Variants in HTR7 observed in about 807,000 individuals in gnomAD.
The protein encoded by HTR7 is 5-hydroxytryptamine receptor 7.
A neutral mutation model predicts 34.0 loss-of-function variants in HTR7; 16 were observed. The observed-to-expected ratio is 0.47, with a 90% CI of 0.32 to 0.71. The LOEUF (loss-of-function observed/expected upper bound fraction) is 0.71, where lower values mean the gene tolerates loss of function less well. HTR7 is among the 30% of genes least tolerant of loss of function. The pLI is 0.04. For synonymous variants in HTR7, 265 were observed against 260.2 expected (o/e 1.02, Z -0.18); for missense variants, 504 against 625.5 (o/e 0.81, Z 2.07).
At chr10:90,758,074 G>A (rs1301869891) in intron 1 of HTR7, among the ~76,000 whole-genome samples, 2 of 151,978 alleles carry the variant, frequency 1.3e-5, no homozygotes, top group Non-Finnish European at 2.9e-5. Context: ...CTGGCCAGGT[G>A]CAGTGGCTCA....
intron 1 of HTR7, among the ~76,000 whole-genome samples, chr10:90,809,541 C>G (rs2119959336): frequency 6.6e-6 from 1 of 152,306 alleles, no homozygotes; most frequent in Middle Eastern, 3.4e-3. Context: ...ATTAATTAAC[C>G]TCGCCTTCAA....
At chr10:90,777,586 C>G (rs1445128659) in intron 1 of HTR7, among the ~76,000 whole-genome samples, 1 of 152,048 alleles carries the variant, frequency 6.6e-6, no homozygotes, top group Non-Finnish European at 1.5e-5. Context: ...TAATGCCAAC[C>G]AAGTCTGTCC....
rs138746773 is a variant in HTR7, at chr10:90,747,774, C to T, written c.1295+1065G>A. Among the ~76,000 whole-genome samples the T allele has an allele frequency of 2.1e-3, 317 of 152,296 alleles. 3 individuals are homozygous for T. The highest frequency in any genetic ancestry group is 7.1e-3 in the African/African-American group (297 of 41,564). ...CCTCCCTGCCAGGCTCAGTGAAGAA[C>T]GACACCTCCAACACTAATCTGCTCA... On this transcript the variant is annotated intron_variant, in intron 2 of 3. Transcript: ENST00000336152.
chr10:90,807,799 GTTCTTTGCTCCGTGA>G (rs57433270), intron 1 of HTR7, among the ~76,000 whole-genome samples: 21,584 of 152,174 alleles, frequency 0.14, 1,869 homozygotes, highest in East Asian at 0.2. Context: ...CTGTCCTCCT[GTTCTTTGCTCCGTGA>G]AAAAGATCCA....
chr10:90,744,207 G>A (rs945307115), intron 2 of HTR7, among the ~76,000 whole-genome samples: 6 of 150,624 alleles, frequency 4.0e-5, no homozygotes, highest in African/African-American at 1.2e-4. Context: ...GGCAGGGGGA[G>A]CAAAGGGTTC....
intron 1 of HTR7, among the ~76,000 whole-genome samples, chr10:90,836,739 A>C (rs953345809): frequency 2.0e-5 from 3 of 150,730 alleles, no homozygotes; most frequent in African/African-American, 7.3e-5. Flanking sequence ...TGAACTCCTG[A>C]GCTGGACTAA....
At chr10:90,768,246 CA>C (rs11315830) in intron 1 of HTR7, among the ~76,000 whole-genome samples, 35,135 of 152,056 alleles carry the variant, frequency 0.23, 4,299 homozygotes, top group African/African-American at 0.31. Context: ...TCTCTGTCCG[CA>C]AGTATTGCAA....
chr10:90,745,350 G>A (rs1844616908), intron 2 of HTR7, among the ~76,000 whole-genome samples: 1 of 152,102 alleles, frequency 6.6e-6, no homozygotes, highest in African/African-American at 2.4e-5. Context: ...GCTCCCTCAG[G>A]CCTCTTTTAT....
chr10:90,807,489 TTCCTGGCTCA>T (rs1845722569), intron 1 of HTR7, among the ~76,000 whole-genome samples: 1 of 152,198 alleles, frequency 6.6e-6, no homozygotes, highest in African/African-American at 2.4e-5. Flanking sequence ...GAAATTCCTT[TTCCTGGCTCA>T]TCCTGGCTCA....
intron 1 of HTR7, among the ~76,000 whole-genome samples, chr10:90,785,226 A>C (rs1425322243): frequency 6.6e-6 from 1 of 152,232 alleles, no homozygotes; most frequent in Admixed American, 6.5e-5. Flanking sequence ...ATAAGCATTA[A>C]ATAAATATTG....
In HTR7 at chr10:90,749,628, C is replaced by T. The variant is rs751300860; in HGVS notation, c.540-34G>A. On this transcript the variant is annotated intron_variant, in intron 1 of 3. Transcript: ENST00000336152. This position sits in a 1 kb window ranked among gnomAD's most constrained non-coding sequence, Gnocchi z 4.2. ...GAGATGGAAAGATAACAGATGAACA[C>T]CGTGATCATAACTGGTCAACCAAGC... 1 of 1,570,720 alleles carries T rather than the reference C, an allele frequency of 6.4e-7. No individual in the cohort carries two copies. The highest frequency in any genetic ancestry group is 2.2e-5 in the East Asian group (1 of 44,450).
intron 1 of HTR7, among the ~76,000 whole-genome samples, chr10:90,829,753 C>A (rs1846135774): frequency 6.6e-6 from 1 of 152,188 alleles, no homozygotes; most frequent in South Asian, 2.1e-4. Flanking sequence ...AAAAAACTAT[C>A]TGAACTGATA....
At chr10:90,786,217 C>T (rs1337367865) in intron 1 of HTR7, among the ~76,000 whole-genome samples, 1 of 152,228 alleles carries the variant, frequency 6.6e-6, no homozygotes, top group Non-Finnish European at 1.5e-5. Context: ...CAGAGGATAA[C>T]CATCGGGGTG....
chr10:90,758,560 G>C (rs1353200414), intron 1 of HTR7, among the ~76,000 whole-genome samples: 1 of 152,026 alleles, frequency 6.6e-6, no homozygotes, highest in Non-Finnish European at 1.5e-5. Flanking sequence ...TAACAAGTAG[G>C]GGGGAAATTG....
chr10:90,788,102 G>C (rs1005678493), intron 1 of HTR7, among the ~76,000 whole-genome samples: 4 of 152,118 alleles, frequency 2.6e-5, no homozygotes, highest in African/African-American at 9.7e-5. Flanking sequence ...ATCTAGTGGA[G>C]AAAGGCCTGG....
intron 1 of HTR7, among the ~76,000 whole-genome samples, chr10:90,794,710 C>T (rs1845512563): frequency 1.3e-5 from 2 of 152,016 alleles, no homozygotes; most frequent in African/African-American, 4.8e-5. Flanking sequence ...CCTGTGTTGC[C>T]TAAGCTGATC....
chr10:90,757,819 A>C (rs1238116114), intron 1 of HTR7, among the ~76,000 whole-genome samples: 1 of 152,244 alleles, frequency 6.6e-6, no homozygotes, highest in Admixed American at 6.5e-5. Context: ...TAAGACTTGA[A>C]GAACCAAGTC....
chr10:90,774,265 AG>A (rs1460144525), intron 1 of HTR7, among the ~76,000 whole-genome samples: 2 of 152,214 alleles, frequency 1.3e-5, no homozygotes, highest in East Asian at 3.8e-4. Context: ...TTACATGAAA[AG>A]GGGAGCAGCT....
intron 1 of HTR7, among the ~76,000 whole-genome samples, chr10:90,763,155 T>C (rs1294658705): frequency 6.6e-6 from 1 of 152,208 alleles, no homozygotes; most frequent in Non-Finnish European, 1.5e-5. Flanking sequence ...AGGATTGTTT[T>C]CTGTTTCTGT....
Sources: allele counts gnomAD v4.1 joint callset (sites outside exome capture counted in the v4.1 genomes callset), GRCh38; gene constraint gnomAD v4.1.1; non-coding constraint Gnocchi (gnomAD v3.1); transcripts MANE v1.5; gene names NCBI Gene and HGNC (gene_info 2026-07-23, HGNC 2026-07-21).